The following ADAMTS9 variants were observed in gnomAD, a reference collection of about 807,000 sequenced individuals.
ADAMTS9 encodes ADAM metallopeptidase with thrombospondin type 1 motif 9.
A neutral mutation model predicts 257.1 loss-of-function variants in ADAMTS9; 107 were observed. The ratio of observed to expected loss-of-function variants is 0.42; its 90% CI spans 0.36 to 0.49. The LOEUF (loss-of-function observed/expected upper bound fraction) is 0.49, where lower values mean the gene tolerates loss of function less well. Ranked by LOEUF, ADAMTS9 falls within the 20% of genes least tolerant of loss-of-function variation. ADAMTS9 has a pLI of 0.03. For missense variants in ADAMTS9, 2,353 were observed against 2,469.1 expected (o/e 0.95, Z 1.00); for synonymous variants, 982 against 880.9 (o/e 1.11, Z -2.03).
intron 16 of ADAMTS9, among the ~76,000 whole-genome samples, chr3:64,628,893 C>T (rs187708225): frequency 6.6e-6 from 1 of 152,130 alleles, no homozygotes. Context: ...AAAGACCCTG[C>T]CCTAACTTTA....
chr3:64,594,547 C>T, intron 27 of ADAMTS9, 113 bp from the exon 28 acceptor site: 1 of 1,329,486 alleles, frequency 7.5e-7, no homozygotes, highest in Non-Finnish European at 1.0e-6. Flanking sequence ...CAAGGTAAGC[C>T]TCTGACAGAT....
At chr3:64,549,440 T>G (rs748319574) in intron 31 of ADAMTS9, among the ~76,000 whole-genome samples, 1 of 152,176 alleles carries the variant, frequency 6.6e-6, no homozygotes, top group Non-Finnish European at 1.5e-5. Context: ...CTGGATGGGT[T>G]GGAACCTATG....
At chr3:64,604,939 C>A (rs2084531435) in intron 23 of ADAMTS9, among the ~76,000 whole-genome samples, 1 of 152,190 alleles carries the variant, frequency 6.6e-6, no homozygotes, top group South Asian at 2.1e-4. Flanking sequence ...CAAACAGGAA[C>A]AAAAGTACAC....
At chr3:64,617,629 GA>G (rs149997548) in intron 19 of ADAMTS9, among the ~76,000 whole-genome samples, 3 of 151,244 alleles carry the variant, frequency 2.0e-5, no homozygotes, top group African/African-American at 4.9e-5. Flanking sequence ...TAGAAACTGA[GA>G]AAAAAAAAGT....
chr3:64,516,422 G>A lies in ADAMTS9; in HGVS notation c.*705C>T, dbSNP rs545396678. The stretch of plus-strand genomic sequence containing the variant: ...AGGCATATCCAAAAATAAGGGTAAA[G>A]AGCTGGTCTTATTTCATCCAAGTGA... On this transcript the variant is annotated 3_prime_UTR_variant, in exon 40 of 40. Coordinates refer to ENST00000498707, the MANE Select transcript of ADAMTS9 (RefSeq NM_182920.2). 1.3e-5 allele frequency: 2 copies of A among 152,694 alleles called. No individual in the cohort carries two copies. Among genetic ancestry groups the A allele is most frequent in the South Asian group, 4.2e-4 (2 of 4,816 alleles). The allele number at this position is 152,694 out of a possible 1,614,324, so 9.5% of individuals were successfully genotyped here. A position where few individuals can be genotyped will look rare whatever the true frequency, so the allele number is the denominator to read the frequency against.
intron 38 of ADAMTS9, among the ~76,000 whole-genome samples, chr3:64,530,922 T>C (rs1389198287): frequency 6.6e-6 from 1 of 152,216 alleles, no homozygotes; most frequent in African/African-American, 2.4e-5. Flanking sequence ...ATACGATTTT[T>C]ATTTGTCAAG....
At chr3:64,596,070 T>C (rs1371609700) in intron 27 of ADAMTS9, among the ~76,000 whole-genome samples, 1 of 152,230 alleles carries the variant, frequency 6.6e-6, no homozygotes, top group Non-Finnish European at 1.5e-5. Context: ...AGTTAATTGA[T>C]TAAAGGCGAT....
rs139693568 is a variant in ADAMTS9, at chr3:64,533,743, A to G, written c.5614-473T>C. Among the ~76,000 whole-genome samples, 12 of 152,340 alleles carry G rather than the reference A, an allele frequency of 7.9e-5. No homozygotes were observed. The East Asian group carries it at 1.9e-3, about 25-fold the overall frequency. On this transcript the variant is annotated intron_variant, in intron 37 of 39. Transcript: ENST00000498707. ...CCCTGGGGCGATTAGCACACCGCGT[A>G]CTAAGCACAGCAGGGCGGGACTTCA...
At chr3:64,575,093 C>T (rs1009912214) in intron 28 of ADAMTS9, among the ~76,000 whole-genome samples, 3 of 152,150 alleles carry the variant, frequency 2.0e-5, no homozygotes, top group Non-Finnish European at 4.4e-5. Flanking sequence ...GGTTTATTAA[C>T]TCGTTGAGGC....
In ADAMTS9 at chr3:64,645,814, C is replaced by T. The variant is rs1473085594; in HGVS notation, c.1710+2126G>A. On this transcript the variant is annotated intron_variant, in intron 11 of 39. Coordinates refer to ENST00000498707, the MANE Select transcript of ADAMTS9 (RefSeq NM_182920.2). ...CCTGCTCTTGCTACAAGCACACCCA[C>T]TTGCTTGTGTTTAGCAGGAGCAGGG... is the stretch of plus-strand genomic sequence containing the variant. 3.3e-5 allele frequency among the ~76,000 whole-genome samples: 5 copies of T among 152,338 alleles called. No homozygotes were observed. The South Asian group carries it at 1.0e-3, about 32-fold the overall frequency.
chr3:64,555,450 T>C (rs2083321447), intron 30 of ADAMTS9, among the ~76,000 whole-genome samples: 1 of 152,150 alleles, frequency 6.6e-6, no homozygotes, highest in African/African-American at 2.4e-5. Context: ...GCAGCCTCCA[T>C]GGCTTCGTAC....
chr3:64,686,873 T>C lies in ADAMTS9; in HGVS notation c.211A>G (p.Arg71Gly). Residue 71 changes from arginine (R) to glycine (G), a missense_variant, in exon 2 of 40, where the codon AGA (arginine) becomes GGA (glycine). Physicochemically the swap from Arg to Gly is moderately radical, Grantham distance 125. Coordinates refer to ENST00000498707, the MANE Select transcript of ADAMTS9 (RefSeq NM_182920.2). The surrounding 1 kb of genome is among the most constrained non-coding windows in gnomAD (Gnocchi z 4.6). ...EPFPTNVHFKRTRRSINSATD... is the reference protein window; with the variant it reads ...EPFPTNVHFKGTRRSINSATD... ...GCAGAGTTAATGCTCCGTCGCGTTC[T>C]TTTGAAGTGGACGTTCGTGGGAAAG... 1 of 1,614,160 alleles carries C rather than the reference T, an allele frequency of 6.2e-7. No individual in the cohort carries two copies. The highest frequency in any genetic ancestry group is 8.5e-7 in the Non-Finnish European group (1 of 1,180,026).
chr3:64,543,697 A>T (rs1453903150), intron 32 of ADAMTS9, among the ~76,000 whole-genome samples: 1 of 152,238 alleles, frequency 6.6e-6, no homozygotes, highest in Non-Finnish European at 1.5e-5. Flanking sequence ...ATTCCCTTTG[A>T]AAATTGGCAC....
intron 3 of ADAMTS9, among the ~76,000 whole-genome samples, chr3:64,663,256 A>G (rs182927475): frequency 5.3e-5 from 8 of 152,220 alleles, no homozygotes; most frequent in Admixed American, 4.6e-4. Context: ...AATAATATGT[A>G]TGGGACTTAT....
At chr3:64,603,313 C>T (rs144524952) in intron 25 of ADAMTS9, among the ~76,000 whole-genome samples, 77 of 152,242 alleles carry the variant, frequency 5.1e-4, no homozygotes, top group Non-Finnish European at 9.0e-4. Context: ...TATTAATCTC[C>T]ATTCTTCTTA....
chr3:64,634,735 G>A (rs1350728083), intron 12 of ADAMTS9, among the ~76,000 whole-genome samples: 5 of 152,120 alleles, frequency 3.3e-5, no homozygotes, highest in South Asian at 4.1e-4. Context: ...GAAACAGCTC[G>A]GGTTTCACAA....
rs928840173 is a variant in ADAMTS9 at position 64,516,861 on chromosome 3, A to C, written c.*266T>G. 6.6e-6 allele frequency: 1 copy of C among 152,668 alleles called. No homozygotes were observed. The highest frequency in any genetic ancestry group is 2.4e-5 in the African/African-American group (1 of 41,458). 9.5% of individuals were successfully genotyped at this position (152,668 alleles called of 1,614,324 possible). ...TCATAATAGAATCATTTTACGTACA[A>C]AAATATTACATCACAATAAATAATT... On this transcript the variant is annotated 3_prime_UTR_variant, in exon 40 of 40. Transcript: ENST00000498707.
intron 3 of ADAMTS9, among the ~76,000 whole-genome samples, chr3:64,676,168 C>T (rs1701620896): frequency 6.6e-6 from 1 of 152,154 alleles, no homozygotes; most frequent in Admixed American, 6.6e-5. Flanking sequence ...TTTTATCTGT[C>T]TGGTTATTGA....
At position 64,654,472 on chromosome 3, in the gene ADAMTS9, A is replaced by G; in HGVS notation, c.1211-14T>C. ...GTTCAGCCAGGCCTATTAGAAGGAA[A>G]AAAACCAACAAGGATTTACTCTAAA... is the stretch of plus-strand genomic sequence containing the variant. On this transcript the variant is annotated splice_polypyrimidine_tract_variant and intron_variant, in intron 7 of 39. Coordinates refer to ENST00000498707, the MANE Select transcript of ADAMTS9 (RefSeq NM_182920.2). 6.2e-7 allele frequency: 1 copy of G among 1,613,480 alleles called. No individual in the cohort carries two copies. Among genetic ancestry groups the G allele is most frequent in the Non-Finnish European group, 8.5e-7 (1 of 1,179,792 alleles).
Sources: gnomAD v4.1 joint callset for allele counts (sites outside exome capture counted in the v4.1 genomes callset) on GRCh38, gnomAD v4.1.1 for gene constraint, Gnocchi (gnomAD v3.1) non-coding constraint, MANE v1.5 for transcripts, NCBI Gene and HGNC (gene_info 2026-07-23, HGNC 2026-07-21) for gene names.